CELF4: variants seen among roughly 807,000 people sequenced by gnomAD.
CELF4 encodes CUGBP Elav-like family member 4.
CELF4 carries 18 observed loss-of-function variants against 59.9 expected under a neutral mutation model. The ratio of observed to expected loss-of-function variants is 0.30; its 90% CI spans 0.21 to 0.45. CELF4 has a LOEUF of 0.45. Among genes scored for constraint, CELF4 ranks in the 20% least tolerant of loss-of-function variants. The pLI, the probability that CELF4 is intolerant of heterozygous loss-of-function variation, is 1.00. For synonymous variants in CELF4, 261 were observed against 267.1 expected, an observed-to-expected ratio of 0.98 and a Z score of 0.22; for missense variants, 456 against 689.0, an observed-to-expected ratio of 0.66 and a Z score of 3.79.
intron 2 of CELF4, among the ~76,000 whole-genome samples, chr18:37,413,290 C>T (rs772142597): frequency 7.2e-5 from 11 of 152,092 alleles, no homozygotes; most frequent in Non-Finnish European, 1.3e-4. Context: ...GGGTGCATTT[C>T]TGCGTTTGTT....
intron 2 of CELF4, among the ~76,000 whole-genome samples, chr18:37,415,125 A>G (rs4799448): frequency 0.66 from 99,956 of 152,068 alleles, 33,830 homozygotes; most frequent in South Asian, 0.83. Context: ...AGGCAGGATC[A>G]GGAAAGGTTT....
chr18:37,443,346 G>A (rs1169073294), intron 2 of CELF4, among the ~76,000 whole-genome samples: 1 of 152,034 alleles, frequency 6.6e-6, no homozygotes, highest in African/African-American at 2.4e-5. Context: ...AGGGGAGTGG[G>A]GGGAGGGTCT....
intron 2 of CELF4, among the ~76,000 whole-genome samples, chr18:37,453,562 G>A (rs569971253): frequency 5.3e-5 from 8 of 152,304 alleles, no homozygotes; most frequent in Non-Finnish European, 7.3e-5. Flanking sequence ...AGAAAAAGCC[G>A]ACCCTTGAAC....
chr18:37,446,250 T>C (rs777493171), intron 2 of CELF4, among the ~76,000 whole-genome samples: 20 of 152,160 alleles, frequency 1.3e-4, no homozygotes, highest in Non-Finnish European at 2.5e-4. Context: ...TCATTACCCA[T>C]GTGCAAGAGA....
At chr18:37,273,741 T>C (rs2092374231) in intron 6 of CELF4, 1 of 987,902 alleles carries the variant, frequency 1.0e-6, no homozygotes, top group Non-Finnish European at 1.2e-6. Context: ...CCTGCCTCAG[T>C]GCCACCCACA....
chr18:37,353,957 G>A (rs958866464), intron 2 of CELF4, among the ~76,000 whole-genome samples: 29 of 151,914 alleles, frequency 1.9e-4, no homozygotes, highest in African/African-American at 7.0e-4. Flanking sequence ...GTGTTTCACC[G>A]TGTTAGCCAG....
chr18:37,306,199 G>A (rs1346041595), intron 3 of CELF4: 1 of 152,242 alleles, frequency 6.6e-6, no homozygotes, highest in Non-Finnish European at 1.5e-5. Flanking sequence ...GAGACTGTCA[G>A]GCAGTCCCTG....
intron 7 of CELF4, among the ~76,000 whole-genome samples, 190 bp downstream of exon 7, chr18:37,272,826 C>G (rs1160767572): frequency 2.0e-5 from 3 of 152,236 alleles, no homozygotes; most frequent in African/African-American, 7.2e-5. Context: ...GGTCCCATAT[C>G]TCATCTTCCC....
rs550372962 is a variant in CELF4 at position 37,342,399 on chromosome 18, G to A, written c.370-20518C>T. Among the ~76,000 whole-genome samples, 5 of 152,280 alleles carry A rather than the reference G, an allele frequency of 3.3e-5. No individual in the cohort carries two copies. The South Asian group carries it at 1.0e-3, about 32-fold the overall frequency. ...AGAGTGCAAGGGTGGAACAGTCTGA[G>A]AGCCGGGCTCAGAAAAAGTGACCCC... On this transcript the variant is annotated intron_variant, in intron 2 of 12. Transcript: ENST00000420428.
chr18:37,531,795 C>A (rs915924084), intron 1 of CELF4, among the ~76,000 whole-genome samples: 1 of 152,132 alleles, frequency 6.6e-6, no homozygotes, highest in Non-Finnish European at 1.5e-5. Flanking sequence ...GGGGACCAGA[C>A]CTCTAGCACC....
At chr18:37,386,461 G>A (rs1018577580) in intron 2 of CELF4, among the ~76,000 whole-genome samples, 5 of 152,204 alleles carry the variant, frequency 3.3e-5, no homozygotes, top group African/African-American at 7.2e-5. Flanking sequence ...GGGAGAACCA[G>A]CTTGAGGGAG....
intron 6 of CELF4, 68 bp from the exon 7 acceptor site, chr18:37,273,231 A>G (rs928431910): frequency 1.3e-6 from 2 of 1,552,178 alleles, no homozygotes; most frequent in Non-Finnish European, 8.7e-7. Flanking sequence ...CAGGGGCCTC[A>G]GCTCCTGGAG....
intron 2 of CELF4, among the ~76,000 whole-genome samples, chr18:37,362,426 T>A (rs538673517): frequency 3.9e-5 from 6 of 152,290 alleles, no homozygotes; most frequent in Admixed American, 3.9e-4. Context: ...TCTGCAGCCC[T>A]GTTAGCTCCA....
chr18:37,444,823 G>T (rs758889504), intron 2 of CELF4, among the ~76,000 whole-genome samples: 3 of 152,194 alleles, frequency 2.0e-5, no homozygotes, highest in South Asian at 4.2e-4. Context: ...CCTCCCTCCC[G>T]GAGTAAGATT....
intron 7 of CELF4, among the ~76,000 whole-genome samples, chr18:37,272,379 G>C (rs894374546): frequency 6.6e-6 from 1 of 152,088 alleles, no homozygotes; most frequent in African/African-American, 2.4e-5. Context: ...AGATGTCCTG[G>C]GGATTCGGGG....
intron 1 of CELF4, among the ~76,000 whole-genome samples, chr18:37,544,230 C>G (rs929849879): frequency 8.6e-5 from 13 of 151,400 alleles, no homozygotes; most frequent in Admixed American, 7.9e-4. Context: ...GTCAGATGCT[C>G]CACCGAAATC....
chr18:37,446,285 C>T (rs995246664), intron 2 of CELF4, among the ~76,000 whole-genome samples: 1 of 152,168 alleles, frequency 6.6e-6, no homozygotes, highest in Non-Finnish European at 1.5e-5. Flanking sequence ...GATCAAGGAC[C>T]TTGTATTGTA....
chr18:37,489,722 T>G (rs118019875), intron 1 of CELF4, among the ~76,000 whole-genome samples: 2 of 152,210 alleles, frequency 1.3e-5, no homozygotes, highest in Non-Finnish European at 2.9e-5. Flanking sequence ...CTTTGGGAAC[T>G]CACAGTTGAG....
chr18:37,259,268 C>T lies in CELF4; in HGVS notation c.1250-4G>A, dbSNP rs370074726. 26 of 404,074 alleles carry T rather than the reference C, an allele frequency of 6.4e-5. No individual in the cohort carries two copies. The highest frequency in any genetic ancestry group is 1.4e-4 in the African/African-American group (2 of 13,796). 25.0% of individuals were successfully genotyped at this position (404,074 alleles called of 1,614,324 possible). A position where few individuals can be genotyped will look rare whatever the true frequency, so the allele number is the denominator to read the frequency against. On this transcript the variant is annotated splice_region_variant and splice_polypyrimidine_tract_variant and intron_variant, in intron 10 of 12. Coordinates refer to ENST00000420428, the MANE Select transcript of CELF4 (RefSeq NM_020180.4). ...AACAGGTTACAGCCCTCGGGCCCTG[C>T]GGTGAGGGGAGGGGGTGGGCGGGGG...
Sources: allele counts gnomAD v4.1 joint callset (sites outside exome capture counted in the v4.1 genomes callset), GRCh38; gene constraint gnomAD v4.1.1; transcripts MANE v1.5; gene names NCBI Gene and HGNC (gene_info 2026-07-23, HGNC 2026-07-21).